The following ENTREP2 variants were observed in gnomAD, a reference collection of about 807,000 sequenced individuals.
ENTREP2 encodes endosomal transmembrane epsin interactor 2.
the ENTREP2 span, chr15:29,151,748 C>T: frequency 2.4e-5 from 37 of 1,551,556 alleles, no homozygotes; most frequent in East Asian, 4.9e-5. Flanking sequence ...TGCAGGACAT[C>T]GGAGGAGACC....
the ENTREP2 span, among the ~76,000 whole-genome samples, chr15:29,451,882 G>A: frequency 3.9e-5 from 6 of 152,350 alleles, no homozygotes; most frequent in South Asian, 1.0e-3. Flanking sequence ...AGACCTCTGC[G>A]AAGAATCCTG....
the ENTREP2 span, among the ~76,000 whole-genome samples, chr15:29,565,708 A>C: frequency 6.6e-6 from 1 of 152,220 alleles, no homozygotes; most frequent in Non-Finnish European, 1.5e-5. Flanking sequence ...TCACGCCTGT[A>C]ATCTCAGCAC....
At chr15:29,477,979 G>C in the ENTREP2 span, among the ~76,000 whole-genome samples, 11 of 122,650 alleles carry the variant, frequency 9.0e-5, no homozygotes, top group Admixed American at 9.9e-4. Context: ...AGAATAGAAA[G>C]AAATTAAATT....
the ENTREP2 span, among the ~76,000 whole-genome samples, chr15:29,294,246 A>G: frequency 6.6e-6 from 1 of 152,192 alleles, no homozygotes; most frequent in Admixed American, 6.5e-5. Context: ...AGCGTTATTG[A>G]AAGGTTCTGG....
the ENTREP2 span, among the ~76,000 whole-genome samples, chr15:29,386,383 G>A: frequency 6.6e-6 from 1 of 152,182 alleles, no homozygotes; most frequent in South Asian, 2.1e-4. Flanking sequence ...CCCCCTTGGA[G>A]TTTGAACAGC....
chr15:29,632,628 T>A, the ENTREP2 span, among the ~76,000 whole-genome samples: 373 of 152,048 alleles, frequency 2.5e-3, 4 homozygotes, highest in African/African-American at 8.4e-3. Context: ...CTAAAAAAAA[T>A]GCAAAAATTA....
At chr15:29,196,314 T>TGAACCTACC in the ENTREP2 span, 1 of 1,173,646 alleles carries the variant, frequency 8.5e-7, no homozygotes. Context: ...CCTCTTGCAC[T>TGAACCTACC]GAACCTACCC....
At chr15:29,161,958 G>A in the ENTREP2 span, among the ~76,000 whole-genome samples, 1,389 of 152,106 alleles carry the variant, frequency 9.1e-3, 19 homozygotes, top group African/African-American at 0.031. Context: ...TGCTCTTGCA[G>A]GACCTGGAAG....
chr15:29,555,308 C>T, the ENTREP2 span, among the ~76,000 whole-genome samples: 2 of 152,100 alleles, frequency 1.3e-5, no homozygotes, highest in East Asian at 3.9e-4. Flanking sequence ...TTTCAATGCC[C>T]GCTAGGGTTA....
the ENTREP2 span, among the ~76,000 whole-genome samples, chr15:29,173,971 C>T: frequency 6.8e-6 from 1 of 147,682 alleles, no homozygotes; most frequent in African/African-American, 2.5e-5. Flanking sequence ...CCAAAAAATC[C>T]CACTCTTTCA....
chr15:29,608,810 G>A, the ENTREP2 span, among the ~76,000 whole-genome samples: 3 of 151,512 alleles, frequency 2.0e-5, no homozygotes, highest in South Asian at 2.1e-4. Context: ...CTCGTGATGC[G>A]CCCGCCTCGG....
chr15:29,330,840 A>T, the ENTREP2 span, among the ~76,000 whole-genome samples: 1 of 152,254 alleles, frequency 6.6e-6, no homozygotes, highest in Non-Finnish European at 1.5e-5. Flanking sequence ...AATTCTTTAC[A>T]CTATCTTGGC....
chr15:29,619,150 T>C, the ENTREP2 span, among the ~76,000 whole-genome samples: 1 of 152,320 alleles, frequency 6.6e-6, no homozygotes, highest in South Asian at 2.1e-4. Flanking sequence ...CCCAGCACTT[T>C]GGAAGGCCAA....
chr15:29,223,632 A>G, the ENTREP2 span, among the ~76,000 whole-genome samples: 6 of 152,236 alleles, frequency 3.9e-5, no homozygotes, highest in African/African-American at 1.4e-4. Context: ...ACTGGAGACC[A>G]CACTTCTTGC....
the ENTREP2 span, among the ~76,000 whole-genome samples, chr15:29,218,554 G>C: frequency 6.6e-6 from 1 of 152,126 alleles, no homozygotes; most frequent in Non-Finnish European, 1.5e-5. Context: ...CACATTACCT[G>C]TTTTCAAACT....
At chr15:29,268,326 C>G in the ENTREP2 span, 2,938 of 153,486 alleles carry the variant, frequency 0.019, 105 homozygotes, top group African/African-American at 0.068. Flanking sequence ...TATATATGTA[C>G]GAAATATAGA....
chr15:29,394,893 T>C, the ENTREP2 span, among the ~76,000 whole-genome samples: 1 of 141,598 alleles, frequency 7.1e-6, no homozygotes, highest in Non-Finnish European at 1.6e-5. Flanking sequence ...TTTTTTTTTT[T>C]TTTTTTTTTT....
At chr15:29,483,050 G>C in the ENTREP2 span, among the ~76,000 whole-genome samples, 2 of 152,120 alleles carry the variant, frequency 1.3e-5, no homozygotes, top group African/African-American at 4.8e-5. Context: ...GGTGTGCAGT[G>C]GTATCTCACT....
chr15:29,354,809 C>G, the ENTREP2 span, among the ~76,000 whole-genome samples: 1 of 152,046 alleles, frequency 6.6e-6, no homozygotes, highest in Non-Finnish European at 1.5e-5. Flanking sequence ...TAAGACCAGG[C>G]CAGATACTGC....
Sources: allele counts gnomAD v4.1 joint callset (sites outside exome capture counted in the v4.1 genomes callset), GRCh38; gene constraint gnomAD v4.1.1; transcripts MANE v1.5; gene names NCBI Gene and HGNC (gene_info 2026-07-23, HGNC 2026-07-21).